Variants in CDC20B observed in about 807,000 individuals in gnomAD.
CDC20B encodes the protein cell division cycle protein 20 homolog B.
In CDC20B, 58 loss-of-function variants were observed where a neutral mutation model predicts 64.1. The ratio of observed to expected loss-of-function variants is 0.90; its 90% CI spans 0.73 to 1.13. The LOEUF (loss-of-function observed/expected upper bound fraction) is 1.13. Among genes scored for constraint, CDC20B ranks in the 50% most tolerant of loss-of-function variants. The pLI is 0.00. For synonymous variants in CDC20B, 243 were observed against 230.6 expected, an observed-to-expected ratio of 1.05 and a Z score of -0.49; for missense variants, 597 against 633.0, an observed-to-expected ratio of 0.94 and a Z score of 0.61.
At chr5:55,126,582 A>G (rs2111820437) in intron 8 of CDC20B, 1 of 168,688 alleles carries the variant, frequency 5.9e-6, no homozygotes, top group African/African-American at 2.4e-5. Flanking sequence ...ATATATTTAG[A>G]CCAGTTATGT....
chr5:55,153,013 TG>T (rs1743711530), intron 2 of CDC20B, among the ~76,000 whole-genome samples: 4 of 151,966 alleles, frequency 2.6e-5, no homozygotes, highest in Admixed American at 2.6e-4. Flanking sequence ...CCAAGGCAGG[TG>T]GATGGCTTGA....
chr5:55,166,450 G>C (rs1404772819), intron 2 of CDC20B: 2 of 152,210 alleles, frequency 1.3e-5, no homozygotes, highest in Admixed American at 6.5e-5. Context: ...GAGGAGATTT[G>C]AAAGCGTGTC....
chr5:55,158,433 C>T (rs768993047), intron 2 of CDC20B, among the ~76,000 whole-genome samples: 1 of 152,190 alleles, frequency 6.6e-6, no homozygotes, highest in Non-Finnish European at 1.5e-5. Flanking sequence ...ATAATCATTG[C>T]TTTTTCTACT....
rs1580354457 is a variant in CDC20B at position 55,146,874 on chromosome 5, C to G, written c.127-18G>C. On this transcript the variant is annotated intron_variant, in intron 2 of 11. Transcript: ENST00000381375. ...TCGAGTACCTGTTTAACAACAAAAACAGCTGTAAGTCCACTGGCCTCAGTG... is the reference window on the plus strand; with the variant it reads ...TCGAGTACCTGTTTAACAACAAAAAGAGCTGTAAGTCCACTGGCCTCAGTG... 2 of 1,595,806 alleles carry G rather than the reference C, an allele frequency of 1.3e-6. No homozygotes were observed. Among genetic ancestry groups the G allele is most frequent in the East Asian group, 4.5e-5 (2 of 44,786 alleles).
chr5:55,156,601 C>T (rs1175081358), intron 2 of CDC20B, among the ~76,000 whole-genome samples: 3 of 152,108 alleles, frequency 2.0e-5, no homozygotes, highest in Non-Finnish European at 2.9e-5. Context: ...ACTGGCCAGG[C>T]ATGGTGGCTC....
chr5:55,129,735 C>T (rs1342426292), intron 6 of CDC20B, among the ~76,000 whole-genome samples: 2 of 152,222 alleles, frequency 1.3e-5, no homozygotes, highest in Non-Finnish European at 2.9e-5. Flanking sequence ...CTCTGATCCA[C>T]ATGTATGAGA....
chr5:55,121,589 G>A (rs2111803373), intron 9 of CDC20B, among the ~76,000 whole-genome samples: 1 of 150,880 alleles, frequency 6.6e-6, no homozygotes, highest in South Asian at 2.1e-4. Context: ...CATTCTACAT[G>A]TCTTTTTTTC....
chr5:55,172,749 CTTTTTTTTTTTTTTT>C (rs70989702), intron 1 of CDC20B, 99 bp from the exon 2 acceptor site: 1 of 534,662 alleles, frequency 1.9e-6, no homozygotes, highest in South Asian at 2.4e-5. Context: ...TCAGATTACA[CTTTTTTTTTTTTTTT>C]TTTTTTTTTT....
intron 6 of CDC20B, among the ~76,000 whole-genome samples, chr5:55,132,743 A>G (rs1743061722): frequency 6.6e-6 from 1 of 152,210 alleles, no homozygotes; most frequent in Non-Finnish European, 1.5e-5. Flanking sequence ...ATTTTTCTCC[A>G]TAATCTGTAC....
intron 2 of CDC20B, among the ~76,000 whole-genome samples, chr5:55,148,679 C>T (rs1223781723): frequency 6.6e-6 from 1 of 151,962 alleles, no homozygotes; most frequent in African/African-American, 2.4e-5. Context: ...GCCTGGGCGA[C>T]AAAGTGAGAC....
chr5:55,151,968 T>C (rs1743678807), intron 2 of CDC20B, among the ~76,000 whole-genome samples: 1 of 152,232 alleles, frequency 6.6e-6, no homozygotes, highest in African/African-American at 2.4e-5. Flanking sequence ...GAGGAGACTA[T>C]TGTGAATTGT....
chr5:55,156,022 T>C (rs1022771570), intron 2 of CDC20B, among the ~76,000 whole-genome samples: 1 of 152,202 alleles, frequency 6.6e-6, no homozygotes, highest in African/African-American at 2.4e-5. Context: ...GGGTAATTTA[T>C]AAAGGAAAGA....
chr5:55,155,216 C>G (rs1743776307), intron 2 of CDC20B, among the ~76,000 whole-genome samples: 1 of 152,014 alleles, frequency 6.6e-6, no homozygotes, highest in Non-Finnish European at 1.5e-5. Flanking sequence ...ATTCAGAGCA[C>G]CAGTGCCAAA....
At chr5:55,115,288 G>A (rs1742596148) in intron 11 of CDC20B, among the ~76,000 whole-genome samples, 1 of 152,178 alleles carries the variant, frequency 6.6e-6, no homozygotes, top group Admixed American at 6.5e-5. Flanking sequence ...CAAAAAGACT[G>A]TTTAATGTTC....
chr5:55,133,443 C>T lies in CDC20B; in HGVS notation c.666G>A (p.Lys222=). The T allele has an allele frequency of 6.4e-7, 1 of 1,571,910 alleles. No homozygotes were observed. Among genetic ancestry groups the T allele is most frequent in the Non-Finnish European group, 8.7e-7 (1 of 1,150,772 alleles). The change falls in exon 6 of 12, where the codon AAG becomes AAA. Residue 222 remains lysine, a synonymous_variant. Transcript: ENST00000381375. ...CATTTCGAAGACCAGTAATATGAAT[C>T]TTCACCTCTGGTTGGAGTATGGAAT... The part of the protein sequence containing the change: ...INDSILQPEV[K]IHITGLRNDY...
intron 6 of CDC20B, among the ~76,000 whole-genome samples, chr5:55,129,385 G>A (rs1742972917): frequency 6.6e-6 from 1 of 152,142 alleles, no homozygotes; most frequent in African/African-American, 2.4e-5. Context: ...CAAACTGGCG[G>A]GGGGTAAGTT....
At chr5:55,172,317 C>T in intron 2 of CDC20B, 1 of 371,796 alleles carries the variant, frequency 2.7e-6, no homozygotes, top group African/African-American at 2.1e-5. Flanking sequence ...TCATTAACAG[C>T]CGCTAGCAAT....
At chr5:55,142,216 G>A (rs1043982467) in intron 4 of CDC20B, among the ~76,000 whole-genome samples, 1 of 152,114 alleles carries the variant, frequency 6.6e-6, no homozygotes, top group African/African-American at 2.4e-5. Context: ...GCAGGCCCTC[G>A]TTGTGGAAAC....
chr5:55,120,220 G>A (rs1419395627), intron 10 of CDC20B, among the ~76,000 whole-genome samples: 1 of 152,040 alleles, frequency 6.6e-6, no homozygotes, highest in Non-Finnish European at 1.5e-5. Flanking sequence ...GAAAGGAAAT[G>A]TGAAAAAAAG....
Sources: gnomAD v4.1 joint callset for allele counts (sites outside exome capture counted in the v4.1 genomes callset) on GRCh38, gnomAD v4.1.1 for gene constraint, MANE v1.5 for transcripts, NCBI Gene and HGNC (gene_info 2026-07-23, HGNC 2026-07-21) for gene names.